The following GRID2 variants were observed in gnomAD, a reference collection of about 807,000 sequenced individuals.
GRID2 encodes the protein glutamate receptor ionotropic, delta-2.
GRID2 carries 33 observed loss-of-function variants against 114.8 expected under a neutral mutation model. That is an observed-to-expected ratio of 0.29 (90% CI 0.22 to 0.38). The LOEUF (loss-of-function observed/expected upper bound fraction) is 0.38. Among genes scored for constraint, GRID2 ranks in the 10% least tolerant of loss-of-function variants. GRID2 has a pLI of 1.00. For synonymous variants in GRID2, 505 were observed against 449.9 expected (o/e 1.12, Z -1.55); for missense variants, 1,184 against 1,257.7 (o/e 0.94, Z 0.89).
At chr4:92,515,404 A>G (rs1239007598) in intron 1 of GRID2, among the ~76,000 whole-genome samples, 1 of 151,942 alleles carries the variant, frequency 6.6e-6, no homozygotes, top group Non-Finnish European at 1.5e-5. Flanking sequence ...TTTCCATTGA[A>G]TTATAAAAGA....
chr4:92,469,845 G>A (rs1721947287), intron 1 of GRID2, among the ~76,000 whole-genome samples: 3 of 151,706 alleles, frequency 2.0e-5, no homozygotes, highest in Admixed American at 6.6e-5. Flanking sequence ...AAACAAAAAA[G>A]CTGAGGAAGT....
At chr4:93,462,927 A>G (rs1723888797) in intron 11 of GRID2, among the ~76,000 whole-genome samples, 1 of 152,186 alleles carries the variant, frequency 6.6e-6, no homozygotes, top group South Asian at 2.1e-4. Context: ...AAATGAGAGT[A>G]ATTCCCCATG....
chr4:92,696,491 TACTGTAATTACATATAATTG>T (rs1213533670), intron 2 of GRID2, among the ~76,000 whole-genome samples: 1 of 152,166 alleles, frequency 6.6e-6, no homozygotes, highest in African/African-American at 2.4e-5. Flanking sequence ...CCAGATAATT[TACTGTAATTACATATAATTG>T]ACTTAGTAAA....
chr4:92,968,327 T>C (rs1753286447), intron 2 of GRID2, among the ~76,000 whole-genome samples: 1 of 151,894 alleles, frequency 6.6e-6, no homozygotes, highest in Non-Finnish European at 1.5e-5. Context: ...AAAAAAATAG[T>C]ATCACTATTT....
At chr4:92,832,386 GTTTGTTTTGT>G (rs1240646804) in intron 2 of GRID2, among the ~76,000 whole-genome samples, 1 of 152,030 alleles carries the variant, frequency 6.6e-6, no homozygotes, top group South Asian at 2.1e-4. Flanking sequence ...TGTTGTTTTT[GTTTGTTTTGT>G]TTTGTTTTGT....
chr4:93,727,531 C>A (rs919662428), intron 14 of GRID2, among the ~76,000 whole-genome samples: 2 of 152,114 alleles, frequency 1.3e-5, no homozygotes, highest in Non-Finnish European at 2.9e-5. Flanking sequence ...CCCTCTTTTT[C>A]TATTGATTGG....
At chr4:93,252,919 C>T (rs1402912443) in intron 8 of GRID2, among the ~76,000 whole-genome samples, 2 of 151,942 alleles carry the variant, frequency 1.3e-5, no homozygotes, top group Non-Finnish European at 1.5e-5. Context: ...ATAAAAAATT[C>T]TGAAGAAACT....
intron 1 of GRID2, among the ~76,000 whole-genome samples, chr4:92,337,087 C>T (rs1409072521): frequency 6.7e-6 from 1 of 149,500 alleles, no homozygotes; most frequent in Non-Finnish European, 1.5e-5. Context: ...TTCACAAGGT[C>T]AGGGACTGTA....
chr4:92,910,903 T>TA (rs1004212163), intron 2 of GRID2, among the ~76,000 whole-genome samples: 3 of 151,632 alleles, frequency 2.0e-5, no homozygotes, highest in Non-Finnish European at 1.5e-5. Context: ...CAAACACAAT[T>TA]AAAAAAATAT....
At chr4:93,580,289 T>C (rs1162703013) in intron 13 of GRID2, among the ~76,000 whole-genome samples, 1 of 152,206 alleles carries the variant, frequency 6.6e-6, no homozygotes, top group Non-Finnish European at 1.5e-5. Flanking sequence ...GAAGCTTTTG[T>C]TAAACTGTGA....
chr4:93,437,061 A>G lies in GRID2; in HGVS notation c.1545+14093A>G, dbSNP rs147034026. 6.0e-4 allele frequency among the ~76,000 whole-genome samples: 91 copies of G among 152,278 alleles called. 3 individuals carry two copies. In the East Asian group the frequency reaches 0.011, roughly 19 times the overall value. ...GAATTTGATGACATACTTGTCATCA[A>G]TAATAGATTTGACAACACTGCAATT... On this transcript the variant is annotated intron_variant, in intron 10 of 15. Coordinates refer to ENST00000282020, the MANE Select transcript of GRID2 (RefSeq NM_001510.4).
chr4:93,389,075 A>G (rs1183087990), intron 8 of GRID2, among the ~76,000 whole-genome samples: 1 of 152,214 alleles, frequency 6.6e-6, no homozygotes. Context: ...TTTCATAAAA[A>G]TTACTTTACT....
At chr4:92,334,090 T>A (rs1727039677) in intron 1 of GRID2, among the ~76,000 whole-genome samples, 1 of 152,182 alleles carries the variant, frequency 6.6e-6, no homozygotes, top group African/African-American at 2.4e-5. Flanking sequence ...TCCTAGGGCC[T>A]GGACACAATT....
chr4:92,514,180 C>T (rs1293706554), intron 1 of GRID2, among the ~76,000 whole-genome samples: 1 of 151,860 alleles, frequency 6.6e-6, no homozygotes, highest in African/African-American at 2.4e-5. Context: ...TTCACATAGA[C>T]AGCATTATAT....
At chr4:93,676,753 CAAAA>C (rs1240505682) in intron 14 of GRID2, among the ~76,000 whole-genome samples, 3 of 114,092 alleles carry the variant, frequency 2.6e-5, no homozygotes, top group African/African-American at 6.4e-5. Flanking sequence ...AAAGATATTA[CAAAA>C]AAAAAAAAAA....
chr4:93,351,495 A>G (rs1404286745), intron 8 of GRID2, among the ~76,000 whole-genome samples: 1 of 152,050 alleles, frequency 6.6e-6, no homozygotes, highest in African/African-American at 2.4e-5. Flanking sequence ...TACATTTACA[A>G]TTAGAAATAC....
rs192756180 is a variant in GRID2 at position 93,783,683 on chromosome 4, C to T, written c.221+14233C>T. The stretch of plus-strand genomic sequence containing the variant: ...CAAATACCAGCACACCCACTCATGT[C>T]CCTCTTGTATTCTTTATTTATGCTA... On this transcript the variant is annotated intron_variant, in intron 1 of 1. Coordinates refer to the GRID2 transcript ENST00000637838. Among the ~76,000 whole-genome samples the T allele has an allele frequency of 7.2e-5, 11 of 152,286 alleles. No homozygotes were observed. The East Asian group carries it at 9.7e-4, about 13-fold the overall frequency.
intron 2 of GRID2, among the ~76,000 whole-genome samples, chr4:92,849,848 A>G (rs1293965889): frequency 1.3e-5 from 2 of 151,728 alleles, no homozygotes; most frequent in African/African-American, 2.4e-5. Context: ...TTTCATTGCT[A>G]TGATTTTTAA....
At chr4:93,132,161 T>A (rs919268941) in intron 4 of GRID2, among the ~76,000 whole-genome samples, 19 of 152,172 alleles carry the variant, frequency 1.2e-4, no homozygotes, top group African/African-American at 4.6e-4. Context: ...GTTGCACTAT[T>A]TTTCCCAATA....
Sources: allele counts gnomAD v4.1 joint callset (sites outside exome capture counted in the v4.1 genomes callset), GRCh38; gene constraint gnomAD v4.1.1; transcripts MANE v1.5; gene names NCBI Gene and HGNC (gene_info 2026-07-23, HGNC 2026-07-21).